Variants in MTHFD2L observed in about 807,000 individuals in gnomAD.
MTHFD2L encodes bifunctional methylenetetrahydrofolate dehydrogenase/cyclohydrolase 2, mitochondrial.
A neutral mutation model predicts 34.9 loss-of-function variants in MTHFD2L; 29 were observed. The ratio of observed to expected loss-of-function variants is 0.83; its 90% CI spans 0.62 to 1.13. The LOEUF (loss-of-function observed/expected upper bound fraction) is 1.13, where lower values mean the gene tolerates loss of function less well. Among genes scored for constraint, MTHFD2L ranks in the 50% most tolerant of loss-of-function variants. MTHFD2L has a pLI of 0.00. For missense variants in MTHFD2L, 481 were observed against 446.5 expected, an observed-to-expected ratio of 1.08 and a Z score of -0.70; for synonymous variants, 167 against 155.7, an observed-to-expected ratio of 1.07 and a Z score of -0.54.
At chr4:74,198,480 A>G (rs562653635) in intron 3 of MTHFD2L, among the ~76,000 whole-genome samples, 103 of 151,200 alleles carry the variant, frequency 6.8e-4, no homozygotes, top group African/African-American at 2.5e-3. Flanking sequence ...CTCCAAATAT[A>G]GTTGTTTTTC....
chr4:74,134,263 A>G (rs1266244367), intron 1 of MTHFD2L, among the ~76,000 whole-genome samples: 1 of 152,166 alleles, frequency 6.6e-6, no homozygotes, highest in Admixed American at 6.5e-5. Context: ...TAACTTGACC[A>G]AAGGAGATGC....
At chr4:74,116,491 C>A (rs1358052228) in intron 2 of MTHFD2L, among the ~76,000 whole-genome samples, 2 of 152,146 alleles carry the variant, frequency 1.3e-5, no homozygotes, top group African/African-American at 2.4e-5. Flanking sequence ...GACTTCACAG[C>A]AAATTGCATA....
chr4:74,168,350 T>C (rs1727198616), intron 1 of MTHFD2L, among the ~76,000 whole-genome samples: 2 of 152,200 alleles, frequency 1.3e-5, no homozygotes, highest in South Asian at 4.1e-4. Context: ...ATACTTGTTC[T>C]TCCCTTCCCT....
intron 5 of MTHFD2L, among the ~76,000 whole-genome samples, chr4:74,205,345 T>C (rs929017890): frequency 6.6e-6 from 1 of 152,218 alleles, no homozygotes; most frequent in Non-Finnish European, 1.5e-5. Context: ...ACTCGGCAAA[T>C]GCATATCTAT....
upstream of MTHFD2L, chr4:74,157,368 G>A (rs1724366598): frequency 3.5e-6 from 1 of 284,816 alleles, no homozygotes; most frequent in Non-Finnish European, 6.9e-6. Context: ...TTTTATCTGT[G>A]ACTGTTTTTT....
At chr4:74,228,987 G>A (rs1739611363) in intron 6 of MTHFD2L, among the ~76,000 whole-genome samples, 1 of 152,188 alleles carries the variant, frequency 6.6e-6, no homozygotes, top group African/African-American at 2.4e-5. Flanking sequence ...AACAAAGACA[G>A]TGGGAAGAAG....
intron 7 of MTHFD2L, among the ~76,000 whole-genome samples, chr4:74,301,012 G>A (rs928916581): frequency 6.6e-6 from 1 of 151,992 alleles, no homozygotes; most frequent in African/African-American, 2.4e-5. Context: ...GAGAAGTATC[G>A]TATCACATAT....
chr4:74,164,042 A>AT (rs1258725062), intron 1 of MTHFD2L, among the ~76,000 whole-genome samples: 1 of 151,894 alleles, frequency 6.6e-6, no homozygotes, highest in East Asian at 1.9e-4. Flanking sequence ...CGCCCGGCTA[A>AT]TTTTTTGTAT....
intron 6 of MTHFD2L, among the ~76,000 whole-genome samples, chr4:74,262,410 T>C (rs1397569752): frequency 1.3e-5 from 2 of 151,916 alleles, no homozygotes; most frequent in East Asian, 3.8e-4. Context: ...GGTATATATA[T>C]ATAATTCCTA....
chr4:74,174,685 C>CTGTATA lies in MTHFD2L; in HGVS notation c.327_328insTATGTA (p.Val109_Gly110insTyrVal). On this transcript the variant is annotated inframe_insertion, in exon 2 of 8. Transcript: ENST00000325278. Reference sequence around the variant, plus strand: ...AGGAATAAGATAAGAGCTGCCTCTGCTGTAGGTGGGTGTGTGTTTTAGTTG... The same window carrying CTGTATA: ...AGGAATAAGATAAGAGCTGCCTCTGCTGTATATGTAGGTGGGTGTGTGTTTTAGTTG... 6.6e-7 allele frequency: 1 copy of CTGTATA among 1,507,810 alleles called. No individual in the cohort carries two copies. Among genetic ancestry groups the CTGTATA allele is most frequent in the South Asian group, 1.4e-5 (1 of 73,352 alleles). 93.4% of individuals were successfully genotyped at this position (1,507,810 alleles called of 1,614,324 possible).
intron 1 of MTHFD2L, among the ~76,000 whole-genome samples, chr4:74,151,008 G>A (rs1007291367): frequency 4.0e-5 from 6 of 151,612 alleles, no homozygotes; most frequent in African/African-American, 1.5e-4. Context: ...AGAAAAATTG[G>A]GTTCTTTACA....
chr4:74,117,390 G>A (rs920095021), intron 2 of MTHFD2L, among the ~76,000 whole-genome samples: 5 of 152,214 alleles, frequency 3.3e-5, no homozygotes, highest in Non-Finnish European at 7.3e-5. Flanking sequence ...CAACCAGGAA[G>A]TCAGTTAAGA....
chr4:74,189,503 TTTTTTTTA>T (rs1404269107), intron 3 of MTHFD2L, among the ~76,000 whole-genome samples: 1 of 149,142 alleles, frequency 6.7e-6, no homozygotes, highest in Non-Finnish European at 1.5e-5. Context: ...TTTTTTTTTT[TTTTTTTTA>T]AAGATTAATG....
Position 74,174,716 on chromosome 4 carries a change from A to G in MTHFD2L, c.328+26A>G, listed in dbSNP as rs140407275. 3.4e-4 allele frequency: 459 copies of G among 1,349,240 alleles called. 1 individual carries two copies. The African/African-American group carries it at 6.5e-3, about 19-fold the overall frequency. 83.6% of individuals were successfully genotyped at this position (1,349,240 alleles called of 1,614,324 possible). A position where few individuals can be genotyped will look rare whatever the true frequency, so the allele number is the denominator to read the frequency against. On this transcript the variant is annotated intron_variant, in intron 2 of 7. Transcript: ENST00000325278. ...GTGGGTGTGTGTTTTAGTTGTAATTACTACTAAATATGTTTTCTGTTTTTA... is the reference window on the plus strand; with the variant it reads ...GTGGGTGTGTGTTTTAGTTGTAATTGCTACTAAATATGTTTTCTGTTTTTA...
chr4:74,115,462 T>C (rs961503232), intron 2 of MTHFD2L, among the ~76,000 whole-genome samples: 2 of 152,248 alleles, frequency 1.3e-5, no homozygotes, highest in African/African-American at 4.8e-5. Flanking sequence ...ACTCCCTTTT[T>C]GTTTTAATGT....
In MTHFD2L at chr4:74,225,357, T is replaced by C. The variant is rs1250254597; in HGVS notation, c.768T>C (p.Ile256=). ...HRYTPKEQLK[I]HTQLADIIIV... Reference sequence around the variant, plus strand: ...ACACCCCCAAAGAGCAACTGAAGATTCATACGCAGCTGGCAGATATTATCA... The same window carrying C: ...ACACCCCCAAAGAGCAACTGAAGATCCATACGCAGCTGGCAGATATTATCA... Residue 256 remains isoleucine, a synonymous_variant, in exon 6 of 8, where the codon ATT becomes ATC. Coordinates refer to ENST00000325278, the MANE Select transcript of MTHFD2L (RefSeq NM_001144978.3). 3.1e-6 allele frequency: 5 copies of C among 1,613,082 alleles called. No individual in the cohort carries two copies. In the South Asian group the frequency reaches 5.5e-5, roughly 18 times the overall value.
At chr4:74,260,667 G>A (rs901256856) in intron 6 of MTHFD2L, among the ~76,000 whole-genome samples, 3 of 151,722 alleles carry the variant, frequency 2.0e-5, no homozygotes, top group Admixed American at 6.6e-5. Context: ...GAAGAAGGAG[G>A]AGGAGGAACA....
chr4:74,190,831 CATTT>C (rs1732343427), intron 3 of MTHFD2L, among the ~76,000 whole-genome samples: 1 of 152,136 alleles, frequency 6.6e-6, no homozygotes, highest in Non-Finnish European at 1.5e-5. Flanking sequence ...AGTAGGCAGA[CATTT>C]ATTCCATTAA....
At chr4:74,212,495 TG>T (rs1228720689) in intron 5 of MTHFD2L, among the ~76,000 whole-genome samples, 1 of 152,194 alleles carries the variant, frequency 6.6e-6, no homozygotes, top group Non-Finnish European at 1.5e-5. Context: ...TTCATGTAGT[TG>T]TGTGTTTTTG....
Sources: gnomAD v4.1 joint callset for allele counts (sites outside exome capture counted in the v4.1 genomes callset) on GRCh38, gnomAD v4.1.1 for gene constraint, MANE v1.5 for transcripts, NCBI Gene and HGNC (gene_info 2026-07-23, HGNC 2026-07-21) for gene names.